The following SAMD3 variants were observed in gnomAD, a reference collection of about 807,000 sequenced individuals.
SAMD3 encodes the protein sterile alpha motif domain containing 3.
A neutral mutation model predicts 58.5 loss-of-function variants in SAMD3; 63 were observed. The ratio of observed to expected loss-of-function variants is 1.08; its 90% CI spans 0.88 to 1.33. The LOEUF (loss-of-function observed/expected upper bound fraction) is 1.33. Ranked by LOEUF, SAMD3 falls within the 40% of genes most tolerant of loss-of-function variation. The probability of loss-of-function intolerance (pLI) is 0.00; values close to 1 mark genes in which losing one functional copy is unlikely to be tolerated. For synonymous variants in SAMD3, 220 were observed against 210.3 expected (o/e 1.05, Z -0.40); for missense variants, 604 against 608.4 (o/e 0.99, Z 0.08).
At chr6:130,144,169 G>A (rs148562739), downstream of SAMD3, 316 of 230,778 alleles carry the variant, frequency 1.4e-3, 1 homozygote, top group African/African-American at 7.0e-3. Flanking sequence ...CAGCTCCTGT[G>A]CATTAAGTGG....
At chr6:130,248,213 T>C (rs1773621516) in intron 2 of SAMD3, among the ~76,000 whole-genome samples, 1 of 148,050 alleles carries the variant, frequency 6.8e-6, no homozygotes, top group Non-Finnish European at 1.5e-5. Flanking sequence ...TGTGTGTGTG[T>C]TCCAATCTGA....
intron 2 of SAMD3, among the ~76,000 whole-genome samples, chr6:130,252,821 T>C (rs1773785049): frequency 6.6e-6 from 1 of 152,192 alleles, no homozygotes; most frequent in Admixed American, 6.5e-5. Context: ...GTGGAAGGGT[T>C]CTCTCGATCC....
intron 1 of SAMD3, among the ~76,000 whole-genome samples, chr6:130,330,129 G>T (rs1171001534): frequency 6.6e-6 from 1 of 152,186 alleles, no homozygotes; most frequent in Non-Finnish European, 1.5e-5. Context: ...GTGTAGAAGA[G>T]ATGAGTAATT....
intron 2 of SAMD3, among the ~76,000 whole-genome samples, chr6:130,229,241 G>C (rs1796472129): frequency 6.6e-6 from 1 of 152,200 alleles, no homozygotes; most frequent in African/African-American, 2.4e-5. Flanking sequence ...TGTGTTGACA[G>C]GGACAGTGGA....
intron 9 of SAMD3, among the ~76,000 whole-genome samples, chr6:130,151,079 G>T (rs913374951): frequency 6.6e-6 from 1 of 152,126 alleles, no homozygotes; most frequent in Non-Finnish European, 1.5e-5. Context: ...GGATCCGTGT[G>T]TAGACTTCGG....
At chr6:130,158,649 C>A (rs528388522) in intron 8 of SAMD3, among the ~76,000 whole-genome samples, 112 of 152,230 alleles carry the variant, frequency 7.4e-4, no homozygotes, top group African/African-American at 2.6e-3. Context: ...AGGTTCTTGG[C>A]GTTTTGAACA....
At chr6:130,189,103 C>CAAA (rs71028200) in intron 5 of SAMD3, among the ~76,000 whole-genome samples, 4 of 138,498 alleles carry the variant, frequency 2.9e-5, no homozygotes, top group Admixed American at 7.2e-5. Flanking sequence ...TTAAAAAAAC[C>CAAA]AAAAAAAAAA....
chr6:130,213,636 G>A (rs1319050103), intron 4 of SAMD3, among the ~76,000 whole-genome samples: 1 of 152,058 alleles, frequency 6.6e-6, no homozygotes, highest in Non-Finnish European at 1.5e-5. Context: ...TGATCCCAGG[G>A]CATAGATGGA....
intron 8 of SAMD3, 31 bp downstream of exon 8, chr6:130,175,810 G>A (rs1159164176): frequency 7.1e-7 from 1 of 1,414,078 alleles, no homozygotes; most frequent in East Asian, 2.3e-5. Flanking sequence ...AATCTATCAA[G>A]TCATCAGAAC....
At chr6:130,253,451 T>C (rs1024132577) in intron 2 of SAMD3, among the ~76,000 whole-genome samples, 1 of 152,200 alleles carries the variant, frequency 6.6e-6, no homozygotes, top group African/African-American at 2.4e-5. Flanking sequence ...ATTCTAGGTA[T>C]TTACCTTGTG....
Position 130,354,591 on chromosome 6 carries a change from C to A in SAMD3, c.-304+10529G>T, listed in dbSNP as rs571430342. On this transcript the variant is annotated intron_variant, in intron 1 of 13. Transcript: ENST00000368134. ...TGTAGTAACAGAAAACCAAATATCACATGTTCTCACTTATAAGTGGGAGCT... is the reference window on the plus strand; with the variant it reads ...TGTAGTAACAGAAAACCAAATATCAAATGTTCTCACTTATAAGTGGGAGCT... Among the ~76,000 whole-genome samples, 3 of 152,236 alleles carry A rather than the reference C, an allele frequency of 2.0e-5. 1 individual carries two copies. The South Asian group carries it at 6.2e-4, about 32-fold the overall frequency.
chr6:130,278,443 G>T (rs940575485), intron 2 of SAMD3, among the ~76,000 whole-genome samples: 4 of 152,182 alleles, frequency 2.6e-5, no homozygotes, highest in Non-Finnish European at 4.4e-5. Flanking sequence ...TAGGCAGTGG[G>T]CAAGGTGAAC....
At chr6:130,365,190 A>G in exon 1 of SAMD3, 1 of 985,506 alleles carries the variant, frequency 1.0e-6, no homozygotes, top group Non-Finnish European at 1.2e-6. Context: ...TACTCTGTGA[A>G]CAGGCCAGTC....
intron 2 of SAMD3, among the ~76,000 whole-genome samples, chr6:130,277,794 G>C (rs4106122): frequency 0.31 from 47,226 of 151,878 alleles, 7,707 homozygotes; most frequent in East Asian, 0.47. Flanking sequence ...AGAGATCTGA[G>C]CTAACCGACT....
Position 130,184,465 on chromosome 6 carries a change from T to A in SAMD3, c.542A>T (p.Asp181Val). ...TGAGCCTTCCAGATACTTAGTCATG[T>A]CGGCCTGGAGAAACTCAATGATCCT... ...RIRIIEFLQA[D>V]MTKYLEGSLY... Residue 181 changes from aspartate (D) to valine (V), a missense_variant, in exon 6 of 12, where the codon GAC becomes GTC. Physicochemically the swap from Asp to Val is radical, Grantham distance 152. Transcript: ENST00000439090. 4 of 1,614,092 alleles carry A rather than the reference T, an allele frequency of 2.5e-6. No homozygotes were observed. The highest frequency in any genetic ancestry group is 3.4e-6 in the Non-Finnish European group (4 of 1,179,984).
rs114415146 is a variant in SAMD3 at position 130,166,402 on chromosome 6, A to G, written c.822+9439T>C. On this transcript the variant is annotated intron_variant, in intron 8 of 11. Transcript: ENST00000439090. ...GAACAGTCTGTATATGCTGTTAAAT[A>G]GAGATCTCCACGTAATGAACCACTT... is the stretch of plus-strand genomic sequence containing the variant. Among the ~76,000 whole-genome samples, 693 of 152,214 alleles carry G rather than the reference A, an allele frequency of 4.6e-3. 7 individuals carry two copies. The highest frequency in any genetic ancestry group is 0.016 in the African/African-American group (662 of 41,506).
chr6:130,211,941 G>A (rs937020375), intron 4 of SAMD3, among the ~76,000 whole-genome samples: 7 of 149,608 alleles, frequency 4.7e-5, no homozygotes, highest in African/African-American at 1.7e-4. Context: ...TCTTTAGAAC[G>A]GACCTAAAGT....
chr6:130,216,242 G>A (rs557308632), intron 2 of SAMD3, among the ~76,000 whole-genome samples: 189 of 151,258 alleles, frequency 1.2e-3, no homozygotes, highest in Non-Finnish European at 2.1e-3. Context: ...GATGGACTTG[G>A]AGAGGGGTGG....
In SAMD3 at chr6:130,214,377, T is replaced by C. The variant is rs753074013; in HGVS notation, c.229A>G (p.Lys77Glu). The change falls in exon 4 of 12, where the codon AAA becomes GAA. Residue 77 changes from lysine (K) to glutamate (E), a missense_variant. By Grantham distance (56) the Lys-to-Glu change is moderately conservative. Transcript: ENST00000439090. ...TQGLKSPENP[K>E]KAALVMQTEA... ...GTTTGCATGACCAGGGCTGCCTTTT[T>C]GGGGTTTTCTGGGGACTTCAGTCCT... The C allele has an allele frequency of 1.2e-6, 2 of 1,609,634 alleles. No individual in the cohort carries two copies. The highest frequency in any genetic ancestry group is 1.1e-5 in the South Asian group (1 of 90,264).
Sources: gnomAD v4.1 joint callset for allele counts (sites outside exome capture counted in the v4.1 genomes callset) on GRCh38, gnomAD v4.1.1 for gene constraint, MANE v1.5 for transcripts, NCBI Gene and HGNC (gene_info 2026-07-23, HGNC 2026-07-21) for gene names.